The following SMAD3 variants were observed in gnomAD, a reference collection of about 807,000 sequenced individuals.
SMAD3 encodes the protein MAD homolog 3.
A neutral mutation model predicts 51.8 loss-of-function variants in SMAD3; 12 were observed. That is an observed-to-expected ratio of 0.23 (90% CI 0.15 to 0.38). The LOEUF (loss-of-function observed/expected upper bound fraction) is 0.38, where lower values mean the gene tolerates loss of function less well. SMAD3 is among the 10% of genes least tolerant of loss of function. The pLI, the probability that SMAD3 is intolerant of heterozygous loss-of-function variation, is 1.00. For missense variants in SMAD3, 294 were observed against 565.6 expected, an observed-to-expected ratio of 0.52 and a Z score of 4.87; for synonymous variants, 238 against 227.7, an observed-to-expected ratio of 1.05 and a Z score of -0.41.
chr15:67,082,058 G>C (rs1285049766), intron 1 of SMAD3, among the ~76,000 whole-genome samples: 1 of 152,088 alleles, frequency 6.6e-6, no homozygotes, highest in African/African-American at 2.4e-5. Context: ...TGAGACTCCT[G>C]AACACTTACT....
At chr15:67,155,892 C>T (rs1394517613) in intron 1 of SMAD3, among the ~76,000 whole-genome samples, 1 of 151,646 alleles carries the variant, frequency 6.6e-6, no homozygotes, top group Non-Finnish European at 1.5e-5. Context: ...GAGGCTGAGG[C>T]AGGAGAATCG....
At chr15:67,125,750 AGAGGAGCCTGCTGCT>A in intron 1 of SMAD3, 2 of 985,728 alleles carry the variant, frequency 2.0e-6, no homozygotes, top group Non-Finnish European at 2.4e-6. Context: ...GGAGGATGAC[AGAGGAGCCTGCTGCT>A]GAGTTCACTG....
intron 5 of SMAD3, among the ~76,000 whole-genome samples, chr15:67,179,975 C>T (rs183142236): frequency 6.2e-4 from 95 of 152,242 alleles, no homozygotes; most frequent in Non-Finnish European, 1.1e-3. Flanking sequence ...TTAGTAACTG[C>T]GTCGCTTCGG....
intron 8 of SMAD3, among the ~76,000 whole-genome samples, chr15:67,189,561 T>C (rs1963307374): frequency 6.6e-6 from 1 of 152,224 alleles, no homozygotes; most frequent in Non-Finnish European, 1.5e-5. Context: ...GCGCGGCCCC[T>C]TCCCAGAACA....
chr15:67,105,995 T>G (rs914447884), intron 1 of SMAD3, among the ~76,000 whole-genome samples: 12 of 152,256 alleles, frequency 7.9e-5, no homozygotes, highest in African/African-American at 2.2e-4. Context: ...CATTTTAGCC[T>G]CTTCTCCTTC....
intron 1 of SMAD3, among the ~76,000 whole-genome samples, chr15:67,124,156 T>C (rs1358454470): frequency 1.3e-5 from 2 of 152,126 alleles, no homozygotes; most frequent in Admixed American, 6.5e-5. Context: ...TCTGGCTAAT[T>C]TTTGTATTTT....
intron 1 of SMAD3, among the ~76,000 whole-genome samples, chr15:67,099,760 C>G (rs889230776): frequency 6.6e-6 from 1 of 152,190 alleles, no homozygotes; most frequent in African/African-American, 2.4e-5. Flanking sequence ...CACCACGTGC[C>G]CCATACCTTA....
chr15:67,157,559 G>A (rs1595935986), intron 1 of SMAD3, among the ~76,000 whole-genome samples: 1 of 152,236 alleles, frequency 6.6e-6, no homozygotes, highest in East Asian at 1.9e-4. Context: ...CGTAGTTCAT[G>A]CTGAATGGAT....
chr15:67,111,016 T>G (rs1372741344), intron 1 of SMAD3, among the ~76,000 whole-genome samples: 3 of 152,244 alleles, frequency 2.0e-5, no homozygotes, highest in Admixed American at 2.0e-4. Flanking sequence ...TCATACACCA[T>G]AAATCTGCTC....
chr15:67,129,821 T>C (rs995623177), intron 1 of SMAD3, among the ~76,000 whole-genome samples: 1 of 152,254 alleles, frequency 6.6e-6, no homozygotes, highest in African/African-American at 2.4e-5. Context: ...TTTATCATAC[T>C]GAGTCTGAAG....
intron 1 of SMAD3, chr15:67,125,763 G>T: frequency 1.0e-6 from 1 of 985,760 alleles, no homozygotes; most frequent in Non-Finnish European, 1.2e-6. Context: ...GGAGCCTGCT[G>T]CTGAGTTCAC....
At chr15:67,154,754 T>C (rs980754671) in intron 1 of SMAD3, among the ~76,000 whole-genome samples, 3 of 152,170 alleles carry the variant, frequency 2.0e-5, no homozygotes, top group African/African-American at 7.2e-5. Flanking sequence ...CTACTACTAA[T>C]CGTAATATAA....
intron 1 of SMAD3, among the ~76,000 whole-genome samples, chr15:67,120,076 C>T (rs142915492): frequency 0.012 from 1,805 of 152,336 alleles, 41 homozygotes; most frequent in African/African-American, 0.042. Context: ...GGATTAAAGG[C>T]GTGAGCCACT....
intron 1 of SMAD3, among the ~76,000 whole-genome samples, chr15:67,121,351 G>A (rs1438585238): frequency 6.6e-6 from 1 of 152,202 alleles, no homozygotes; most frequent in Admixed American, 6.5e-5. Context: ...CCGGCCTTGT[G>A]GGTCCTGAGG....
At chr15:67,183,671 G>A (rs1963145135) in intron 6 of SMAD3, among the ~76,000 whole-genome samples, 1 of 152,202 alleles carries the variant, frequency 6.6e-6, no homozygotes. Context: ...CCCCAGGAAT[G>A]GAGCAGAGAC....
chr15:67,102,247 A>AGTGTGTGTGTGTGTGTGTGTGT (rs56983970), intron 1 of SMAD3, among the ~76,000 whole-genome samples: 69 of 149,208 alleles, frequency 4.6e-4, no homozygotes, highest in African/African-American at 1.7e-3. Flanking sequence ...ATGCTGTGAA[A>AGTGTGTGTGTGTGTGTGTGTGT]GTGTGTGTGT....
intron 4 of SMAD3, among the ~76,000 whole-genome samples, chr15:67,168,938 G>A (rs1218753186): frequency 1.3e-5 from 2 of 152,160 alleles, no homozygotes; most frequent in Admixed American, 6.5e-5. Flanking sequence ...TGTTCCCCAT[G>A]TCCCTTCACC....
At chr15:67,103,120 A>T (rs1301411123) in intron 1 of SMAD3, among the ~76,000 whole-genome samples, 1 of 152,080 alleles carries the variant, frequency 6.6e-6, no homozygotes, top group Non-Finnish European at 1.5e-5. Flanking sequence ...TGTGTCATTC[A>T]TCTGCCCAAA....
chr15:67,066,381 GA>G, intron 1 of SMAD3, 21 bp downstream of exon 1: 1 of 1,602,066 alleles, frequency 6.2e-7, no homozygotes, highest in Non-Finnish European at 8.5e-7. Context: ...GCCCGGGGGG[GA>G]CCCGGGGTCA....
Sources: gnomAD v4.1 joint callset for allele counts (sites outside exome capture counted in the v4.1 genomes callset) on GRCh38, gnomAD v4.1.1 for gene constraint, MANE v1.5 for transcripts, NCBI Gene and HGNC (gene_info 2026-07-23, HGNC 2026-07-21) for gene names.